The following GPC6 variants were observed in gnomAD, a reference collection of about 807,000 sequenced individuals.
GPC6 encodes the protein glypican-6.
GPC6 carries 14 observed loss-of-function variants against 55.2 expected under a neutral mutation model. The ratio of observed to expected loss-of-function variants is 0.25; its 90% CI spans 0.17 to 0.40. The LOEUF is 0.40. Among genes scored for constraint, GPC6 ranks in the 10% least tolerant of loss-of-function variants. GPC6 has a pLI of 1.00. For synonymous variants in GPC6, 278 were observed against 259.6 expected (o/e 1.07, Z -0.68); for missense variants, 641 against 708.5 (o/e 0.90, Z 1.08).
intron 5 of GPC6, 77 bp from the exon 6 acceptor site, chr13:94,305,903 C>T: frequency 1.5e-6 from 2 of 1,314,688 alleles, no homozygotes; most frequent in East Asian, 4.6e-5. Context: ...GACACCATTG[C>T]ATTGCACATT....
At chr13:93,534,742 C>T (rs1224581555) in intron 1 of GPC6, among the ~76,000 whole-genome samples, 1 of 152,220 alleles carries the variant, frequency 6.6e-6, no homozygotes, top group Non-Finnish European at 1.5e-5. Flanking sequence ...AGCCTCATCT[C>T]TTCTTTGGAA....
At chr13:93,911,621 G>A (rs1876988322) in intron 3 of GPC6, among the ~76,000 whole-genome samples, 1 of 152,134 alleles carries the variant, frequency 6.6e-6, no homozygotes, top group South Asian at 2.1e-4. Flanking sequence ...AAAAGGAAAG[G>A]GCAGACATGG....
chr13:93,700,634 G>A (rs1882635035), intron 2 of GPC6, among the ~76,000 whole-genome samples: 1 of 152,090 alleles, frequency 6.6e-6, no homozygotes, highest in Non-Finnish European at 1.5e-5. Context: ...GTAAGACTGA[G>A]TAAGGTTTGA....
intron 1 of GPC6, among the ~76,000 whole-genome samples, chr13:93,528,402 G>T (rs930844167): frequency 6.6e-6 from 1 of 152,120 alleles, no homozygotes; most frequent in African/African-American, 2.4e-5. Context: ...TATGCATTAA[G>T]AGTCAGAGAG....
At chr13:93,712,396 G>T (rs1883100227) in intron 2 of GPC6, among the ~76,000 whole-genome samples, 1 of 151,594 alleles carries the variant, frequency 6.6e-6, no homozygotes, top group Admixed American at 6.6e-5. Flanking sequence ...GAGGTAGCAC[G>T]CATCAGTAGG....
chr13:93,455,088 C>G (rs934685268), intron 1 of GPC6, among the ~76,000 whole-genome samples: 1 of 152,208 alleles, frequency 6.6e-6, no homozygotes, highest in Non-Finnish European at 1.5e-5. Context: ...GAGTGCAGGG[C>G]CCGCCAAGCC....
rs576105858 is a variant in GPC6 at position 93,624,188 on chromosome 13, G to A, written c.319+78767G>A. On this transcript the variant is annotated intron_variant, in intron 2 of 8. Coordinates refer to ENST00000377047, the MANE Select transcript of GPC6 (RefSeq NM_005708.5). Reference sequence around the variant, plus strand: ...TTCTCTGAGCACAAATGTGGGGAATGGCCAATATAGTGAATTTTCTCCCAC... The same window carrying A: ...TTCTCTGAGCACAAATGTGGGGAATAGCCAATATAGTGAATTTTCTCCCAC... 9.6e-4 allele frequency among the ~76,000 whole-genome samples: 144 copies of A among 150,652 alleles called. 1 individual carries two copies. Among genetic ancestry groups the A allele is most frequent in the African/African-American group, 3.3e-3 (134 of 40,932 alleles).
chr13:93,906,465 G>A (rs1876675430), intron 3 of GPC6, among the ~76,000 whole-genome samples: 1 of 152,068 alleles, frequency 6.6e-6, no homozygotes, highest in Non-Finnish European at 1.5e-5. Context: ...TTTCAAGCAT[G>A]TTACCCAATG....
intron 7 of GPC6, among the ~76,000 whole-genome samples, chr13:94,397,035 C>T (rs1880924835): frequency 6.6e-6 from 1 of 152,136 alleles, no homozygotes; most frequent in South Asian, 2.1e-4. Context: ...TGTTTTACTG[C>T]AGTGCCTGGT....
chr13:93,744,528 C>CTTTTTTTTTTTTT lies in GPC6; in HGVS notation c.320-85612_320-85600dup, dbSNP rs71736430. Among the ~76,000 whole-genome samples the CTTTTTTTTTTTTT allele has an allele frequency of 4.7e-4, 46 of 97,218 alleles. 7 individuals carry two copies. The highest frequency in any genetic ancestry group is 7.1e-4 in the African/African-American group (16 of 22,408). The allele number at this position is 97,218 out of a possible 152,430, so 63.8% of individuals were successfully genotyped here. A position where few individuals can be genotyped will look rare whatever the true frequency, so the allele number is the denominator to read the frequency against. ...TTCCTCCAAACCTGCTTTCCCTAGT[C>CTTTTTTTTTTTTT]TTTTTTTTTTTTTTTTTTTTTTTTT... On this transcript the variant is annotated intron_variant, in intron 2 of 8. Coordinates refer to ENST00000377047, the MANE Select transcript of GPC6 (RefSeq NM_005708.5).
intron 4 of GPC6, among the ~76,000 whole-genome samples, chr13:94,074,762 G>A (rs1453503620): frequency 1.3e-5 from 2 of 152,152 alleles, no homozygotes; most frequent in Non-Finnish European, 2.9e-5. Flanking sequence ...TGCCTTGTAG[G>A]AAGATGATCT....
At chr13:94,235,808 T>C (rs1890861501) in intron 4 of GPC6, among the ~76,000 whole-genome samples, 1 of 152,160 alleles carries the variant, frequency 6.6e-6, no homozygotes, top group African/African-American at 2.4e-5. Context: ...TATTAAAACA[T>C]GTAGAACCAG....
chr13:94,003,917 A>G (rs1296757015), intron 3 of GPC6, among the ~76,000 whole-genome samples: 1 of 152,176 alleles, frequency 6.6e-6, no homozygotes, highest in Non-Finnish European at 1.5e-5. Context: ...CTGAGAACCA[A>G]TTGATTTCCC....
chr13:93,725,332 C>G (rs1440451685), intron 2 of GPC6, among the ~76,000 whole-genome samples: 1 of 151,952 alleles, frequency 6.6e-6, no homozygotes, highest in Non-Finnish European at 1.5e-5. Context: ...TGAGTTTACT[C>G]TTGGTTGTAA....
intron 3 of GPC6, among the ~76,000 whole-genome samples, chr13:93,901,285 A>AT (rs1162812462): frequency 6.6e-6 from 1 of 152,090 alleles, no homozygotes; most frequent in Non-Finnish European, 1.5e-5. Context: ...GGCAAGCAAA[A>AT]TAAATAAAAA....
intron 4 of GPC6, among the ~76,000 whole-genome samples, chr13:94,167,610 G>T (rs1198787045): frequency 6.6e-6 from 1 of 152,154 alleles, no homozygotes; most frequent in South Asian, 2.1e-4. Context: ...GAAGGAGAAG[G>T]GTAGGAATTT....
intron 3 of GPC6, among the ~76,000 whole-genome samples, chr13:93,942,310 T>C (rs1878777288): frequency 6.6e-6 from 1 of 152,120 alleles, no homozygotes; most frequent in South Asian, 2.1e-4. Context: ...CCTCAGGACA[T>C]CTCACAACAT....
chr13:93,911,368 C>T (rs1876967542), intron 3 of GPC6, among the ~76,000 whole-genome samples: 2 of 151,770 alleles, frequency 1.3e-5, no homozygotes, highest in Admixed American at 1.3e-4. Flanking sequence ...TCCACAGAAA[C>T]TTTATAGAAC....
chr13:94,328,985 A>T (rs1399928191), intron 6 of GPC6, among the ~76,000 whole-genome samples: 1 of 152,134 alleles, frequency 6.6e-6, no homozygotes, highest in Non-Finnish European at 1.5e-5. Context: ...CTGAACATTG[A>T]CCAATGGGTC....
Sources: allele counts gnomAD v4.1 joint callset (sites outside exome capture counted in the v4.1 genomes callset), GRCh38; gene constraint gnomAD v4.1.1; transcripts MANE v1.5; gene names NCBI Gene and HGNC (gene_info 2026-07-23, HGNC 2026-07-21).